The following SLC35D2 variants were observed in gnomAD, a reference collection of about 807,000 sequenced individuals.
SLC35D2 encodes the protein nucleotide sugar transporter SLC35D2.
A neutral mutation model predicts 41.8 loss-of-function variants in SLC35D2; 43 were observed. That is an observed-to-expected ratio of 1.03 (90% CI 0.81 to 1.33). The LOEUF is 1.33. SLC35D2 is among the 40% of genes most tolerant of loss of function. The pLI, the probability that SLC35D2 is intolerant of heterozygous loss-of-function variation, is 0.00. For missense variants in SLC35D2, 380 were observed against 408.4 expected (o/e 0.93, Z 0.60); for synonymous variants, 150 against 163.9 (o/e 0.92, Z 0.65).
intron 6 of SLC35D2, among the ~76,000 whole-genome samples, chr9:96,349,314 C>T (rs976697328): frequency 6.6e-6 from 1 of 152,238 alleles, no homozygotes; most frequent in East Asian, 1.9e-4. Context: ...CAATCCTTTA[C>T]AATTTTTGTC....
intron 4 of SLC35D2, among the ~76,000 whole-genome samples, chr9:96,359,236 G>A (rs1214235231): frequency 2.7e-5 from 4 of 150,086 alleles, no homozygotes; most frequent in African/African-American, 4.9e-5. Flanking sequence ...CCTGGGAGGC[G>A]GAGCTTGCAG....
chr9:96,340,619 CAAAAAAAAAAAA>C (rs57501812), intron 8 of SLC35D2, among the ~76,000 whole-genome samples: 22 of 35,378 alleles, frequency 6.2e-4, no homozygotes, highest in African/African-American at 1.2e-3. Flanking sequence ...GACTCCATCT[CAAAAAAAAAAAA>C]AAAAAAAAAA....
At chr9:96,378,320 C>G (rs538726318) in intron 1 of SLC35D2, among the ~76,000 whole-genome samples, 1 of 151,762 alleles carries the variant, frequency 6.6e-6, no homozygotes, top group African/African-American at 2.4e-5. Context: ...GCAGTCCCAG[C>G]TACTCAGGAG....
chr9:96,380,463 CTT>C (rs199972344), intron 1 of SLC35D2, among the ~76,000 whole-genome samples: 1 of 143,206 alleles, frequency 7.0e-6, no homozygotes. Context: ...GGTATTTTTT[CTT>C]TTTTTTTTTT....
intron 8 of SLC35D2, among the ~76,000 whole-genome samples, chr9:96,337,256 A>G (rs1352040623): frequency 6.6e-6 from 1 of 152,056 alleles, no homozygotes; most frequent in African/African-American, 2.4e-5. Flanking sequence ...TCTGTCACCC[A>G]GGCTGGAGTG....
chr9:96,359,813 T>TA (rs1325948370), intron 4 of SLC35D2, among the ~76,000 whole-genome samples: 1 of 152,198 alleles, frequency 6.6e-6, no homozygotes, highest in Non-Finnish European at 1.5e-5. Flanking sequence ...GAGGAGATGT[T>TA]CCTGCTCTTA....
chr9:96,347,571 G>C (rs1383054597), intron 6 of SLC35D2, among the ~76,000 whole-genome samples: 1 of 152,082 alleles, frequency 6.6e-6, no homozygotes, highest in South Asian at 2.1e-4. Context: ...TAGAGACAGG[G>C]TTTCATTATG....
rs34837696 is a variant in SLC35D2, at chr9:96,360,229, TA to T, written c.280-9del. ...GAGAGGCAGAGGAAACAGCTTCCAT[TA>T]AAAAAAAAAGAAGAAATATTTGGTT... On this transcript the variant is annotated splice_polypyrimidine_tract_variant and intron_variant, in intron 3 of 11. Coordinates refer to ENST00000253270, the MANE Select transcript of SLC35D2 (RefSeq NM_007001.3). The T allele has an allele frequency of 0.018, 20,958 of 1,182,752 alleles. No individual in the cohort carries two copies. Among genetic ancestry groups the T allele is most frequent in the Admixed American group, 0.026 (1,138 of 43,626 alleles). 73.3% of individuals were successfully genotyped at this position (1,182,752 alleles called of 1,614,324 possible).
At chr9:96,362,732 A>T (rs958216769) in intron 3 of SLC35D2, among the ~76,000 whole-genome samples, 1 of 152,122 alleles carries the variant, frequency 6.6e-6, no homozygotes, top group Non-Finnish European at 1.5e-5. Flanking sequence ...CCATTTTAAA[A>T]TTTTTTTAAT....
intron 9 of SLC35D2, among the ~76,000 whole-genome samples, chr9:96,333,532 G>GT (rs963360232): frequency 1.3e-5 from 2 of 150,618 alleles, no homozygotes; most frequent in Admixed American, 6.6e-5. Flanking sequence ...GAGGCGGTGC[G>GT]TGCAGTGAGC....
exon 12 of SLC35D2, chr9:96,314,352 A>G (rs1432411705): frequency 6.6e-6 from 1 of 152,254 alleles, no homozygotes; most frequent in East Asian, 1.9e-4. Flanking sequence ...ATGCCCATCT[A>G]TGATAGACTG....
downstream of SLC35D2, among the ~76,000 whole-genome samples, chr9:96,318,672 C>T (rs932775335): frequency 6.6e-6 from 1 of 151,828 alleles, no homozygotes; most frequent in African/African-American, 2.4e-5. Flanking sequence ...CAAATCAAAA[C>T]CAAAACACAG....
chr9:96,344,660 G>C (rs1490233240), intron 7 of SLC35D2, among the ~76,000 whole-genome samples: 1 of 140,204 alleles, frequency 7.1e-6, no homozygotes, highest in East Asian at 2.3e-4. Flanking sequence ...CAAAGAGCTT[G>C]GAACAAAGAA....
intron 9 of SLC35D2, among the ~76,000 whole-genome samples, chr9:96,331,193 C>T (rs540361861): frequency 6.6e-5 from 10 of 152,264 alleles, no homozygotes; most frequent in South Asian, 6.2e-4. Flanking sequence ...CCACCATGCC[C>T]GCATGATGAT....
At position 96,360,229 on chromosome 9, in the gene SLC35D2, T is replaced by TA. The variant is rs34837696; in HGVS notation, c.280-9dup. On this transcript the variant is annotated splice_polypyrimidine_tract_variant and intron_variant, in intron 3 of 11. Coordinates refer to ENST00000253270, the MANE Select transcript of SLC35D2 (RefSeq NM_007001.3). ...GAGAGGCAGAGGAAACAGCTTCCAT[T>TA]AAAAAAAAAAGAAGAAATATTTGGT... 73,822 of 1,195,972 alleles carry TA rather than the reference T, an allele frequency of 0.062. 247 individuals carry two copies. Among genetic ancestry groups the TA allele is most frequent in the South Asian group, 0.084 (5,325 of 63,402 alleles). 74.1% of individuals were successfully genotyped at this position (1,195,972 alleles called of 1,614,324 possible). A position where few individuals can be genotyped will look rare whatever the true frequency, so the allele number is the denominator to read the frequency against.
intron 3 of SLC35D2, among the ~76,000 whole-genome samples, chr9:96,362,375 C>T (rs952354939): frequency 3.3e-5 from 5 of 152,088 alleles, no homozygotes; most frequent in Non-Finnish European, 5.9e-5. Context: ...GGCATGGCGG[C>T]GCATGCCTGT....
At chr9:96,345,144 A>T (rs1464969207) in intron 7 of SLC35D2, among the ~76,000 whole-genome samples, 155 bp downstream of exon 7, 2 of 152,212 alleles carry the variant, frequency 1.3e-5, no homozygotes, top group African/African-American at 4.8e-5. Flanking sequence ...TTCGCAAATA[A>T]TAACTTATAC....
chr9:96,356,866 C>A (rs1248006113), intron 4 of SLC35D2, among the ~76,000 whole-genome samples: 2 of 149,056 alleles, frequency 1.3e-5, no homozygotes, highest in Admixed American at 6.7e-5. Flanking sequence ...CAGAGCAAGA[C>A]CCTGTCTCAA....
In SLC35D2 at chr9:96,343,855, AT is replaced by A. The variant is rs772762265; in HGVS notation, c.684+48del. 32 of 1,265,890 alleles carry A rather than the reference AT, an allele frequency of 2.5e-5. No individual in the cohort carries two copies. The East Asian group carries it at 7.5e-4, about 30-fold the overall frequency. 78.4% of individuals were successfully genotyped at this position (1,265,890 alleles called of 1,614,324 possible). A position where few individuals can be genotyped will look rare whatever the true frequency, so the allele number is the denominator to read the frequency against. On this transcript the variant is annotated intron_variant, in intron 8 of 11. Coordinates refer to ENST00000253270, the MANE Select transcript of SLC35D2 (RefSeq NM_007001.3). ...GTGCATATCAAATGTTAAATATTAA[AT>A]TTTTTAAAGCCAGCTAAGGAAAACT...
Sources: allele counts gnomAD v4.1 joint callset (sites outside exome capture counted in the v4.1 genomes callset), GRCh38; gene constraint gnomAD v4.1.1; transcripts MANE v1.5; gene names NCBI Gene and HGNC (gene_info 2026-07-23, HGNC 2026-07-21).